SCAI: variants seen among roughly 807,000 people sequenced by gnomAD.
SCAI encodes suppressor of cancer cell invasion, also known as protein SCAI.
Under a neutral mutation model 92.2 loss-of-function variants are expected in SCAI, and 24 were observed. The observed-to-expected ratio is 0.26, with a 90% CI of 0.19 to 0.37. SCAI has a LOEUF of 0.37. Among genes scored for constraint, SCAI ranks in the 10% least tolerant of loss-of-function variants. The pLI, the probability that SCAI is intolerant of heterozygous loss-of-function variation, is 1.00. For missense variants in SCAI, 450 were observed against 736.2 expected (o/e 0.61, Z 4.50); for synonymous variants, 261 against 258.6 (o/e 1.01, Z -0.09).
chr9:124,971,886 C>A, intron 15 of SCAI, 42 bp from the exon 16 acceptor site: 1 of 1,325,096 alleles, frequency 7.5e-7, no homozygotes, highest in Non-Finnish European at 1.0e-6. Context: ...AATAGTTTTG[C>A]AAAAGATAAG....
At chr9:125,107,407 C>CAA (rs80318027) in intron 2 of SCAI, among the ~76,000 whole-genome samples, 56 of 72,816 alleles carry the variant, frequency 7.7e-4, no homozygotes, top group African/African-American at 2.8e-3. Context: ...GACACTGTCT[C>CAA]AAAAAAAAAA....
At chr9:125,070,005 C>T (rs948625448) in intron 2 of SCAI, among the ~76,000 whole-genome samples, 1 of 152,106 alleles carries the variant, frequency 6.6e-6, no homozygotes, top group African/African-American at 2.4e-5. Flanking sequence ...TCACATGTCT[C>T]AGCTGTAAAA....
intron 2 of SCAI, among the ~76,000 whole-genome samples, chr9:125,065,272 G>A (rs775502169): frequency 6.6e-6 from 1 of 152,078 alleles, no homozygotes; most frequent in Non-Finnish European, 1.5e-5. Flanking sequence ...GAGTATCACT[G>A]CTGAAAACAA....
intron 3 of SCAI, among the ~76,000 whole-genome samples, chr9:125,039,397 A>G (rs1326674246): frequency 2.0e-5 from 3 of 151,690 alleles, no homozygotes; most frequent in Non-Finnish European, 2.9e-5. Flanking sequence ...AAAAAAAAAA[A>G]AAAAAAAGAA....
At chr9:125,003,671 AG>A (rs1192850816) in intron 9 of SCAI, 101 bp from the exon 10 acceptor site, 1 of 722,074 alleles carries the variant, frequency 1.4e-6, no homozygotes, top group East Asian at 2.5e-5. Flanking sequence ...CATGTACTTC[AG>A]GGCTTTGGGT....
At chr9:125,046,196 G>GATATACATATATAT (rs1833429899) in intron 3 of SCAI, among the ~76,000 whole-genome samples, 1 of 51,868 alleles carries the variant, frequency 1.9e-5, no homozygotes, top group Non-Finnish European at 3.6e-5. Flanking sequence ...GAAATTGTGA[G>GATATACATATATAT]ATATATATAT....
chr9:125,057,007 C>G (rs992321727), intron 2 of SCAI, among the ~76,000 whole-genome samples: 1 of 152,148 alleles, frequency 6.6e-6, no homozygotes, highest in Non-Finnish European at 1.5e-5. Flanking sequence ...CAGAAAACAA[C>G]AGTAAGTTGT....
chr9:125,135,975 AAAAAAAAAAAC>A (rs1409065269), intron 2 of SCAI, among the ~76,000 whole-genome samples: 2 of 151,574 alleles, frequency 1.3e-5, no homozygotes, highest in African/African-American at 4.8e-5. Flanking sequence ...CTCAAACAAA[AAAAAAAAAAAC>A]AAAAAAAAAA....
rs989910928 is a variant in SCAI at position 125,091,991 on chromosome 9, G to T, written c.99-35984C>A. On this transcript the variant is annotated intron_variant, in intron 2 of 17. Coordinates refer to ENST00000336505, the MANE Select transcript of SCAI (RefSeq NM_001144877.3). This position sits in a 1 kb window ranked among gnomAD's most constrained non-coding sequence, Gnocchi z 4.3. ...ATAAAAATAAAAAAATTAGCCAGGC[G>T]TGGTGGTGGGCGCCTGTAGTCCCAG... 2.6e-5 allele frequency among the ~76,000 whole-genome samples: 4 copies of T among 151,730 alleles called. No individual in the cohort carries two copies. Among genetic ancestry groups the T allele is most frequent in the African/African-American group, 9.7e-5 (4 of 41,332 alleles).
At chr9:125,093,567 CTT>C (rs761646048) in intron 2 of SCAI, among the ~76,000 whole-genome samples, 79 of 137,066 alleles carry the variant, frequency 5.8e-4, no homozygotes, top group Non-Finnish European at 6.2e-4. Context: ...ATGACACCTC[CTT>C]TTTTTTTTTT....
intron 17 of SCAI, among the ~76,000 whole-genome samples, chr9:124,958,264 C>A (rs1488663037): frequency 4.6e-5 from 7 of 152,030 alleles, no homozygotes; most frequent in African/African-American, 1.4e-4. Context: ...CTAAAACAAC[C>A]AAAATACCTA....
intron 13 of SCAI, among the ~76,000 whole-genome samples, chr9:124,998,709 C>T (rs1480775617): frequency 6.6e-6 from 1 of 152,062 alleles, no homozygotes; most frequent in East Asian, 1.9e-4. Flanking sequence ...GCAACCTCGA[C>T]CTAATGGGTT....
chr9:125,028,153 G>A (rs1832998919), intron 5 of SCAI, among the ~76,000 whole-genome samples: 1 of 152,168 alleles, frequency 6.6e-6, no homozygotes, highest in African/African-American at 2.4e-5. Flanking sequence ...AAATTTTTAA[G>A]TTATAAATGA....
At chr9:125,094,983 TATTA>T (rs1412882157) in intron 2 of SCAI, among the ~76,000 whole-genome samples, 3 of 152,172 alleles carry the variant, frequency 2.0e-5, no homozygotes, top group African/African-American at 7.2e-5. Flanking sequence ...ACATAAAATG[TATTA>T]ATTACTTTCA....
At chr9:125,104,497 G>A (rs1490561437) in intron 2 of SCAI, among the ~76,000 whole-genome samples, 1 of 151,342 alleles carries the variant, frequency 6.6e-6, no homozygotes, top group Non-Finnish European at 1.5e-5. Flanking sequence ...AATTCTGTCT[G>A]TCAGATAATC....
chr9:125,113,663 A>AT (rs36106766), intron 2 of SCAI, among the ~76,000 whole-genome samples: 27,087 of 135,230 alleles, frequency 0.2, 3,688 homozygotes, highest in African/African-American at 0.36. Flanking sequence ...AAGTATAAAG[A>AT]TTTTTTTTTT....
Position 124,963,153 on chromosome 9 carries a change from C to G in SCAI, c.1674+8217G>C, listed in dbSNP as rs373155044. ...CTAGAGAAAAGAATTTTTTCCCCCCCGAGACGGAGTTTTGCTTTTGTTACC... is the reference window on the plus strand; with the variant it reads ...CTAGAGAAAAGAATTTTTTCCCCCCGGAGACGGAGTTTTGCTTTTGTTACC... On this transcript the variant is annotated intron_variant, in intron 17 of 17. Transcript: ENST00000336505. Among the ~76,000 whole-genome samples the G allele has an allele frequency of 4.7e-5, 7 of 148,220 alleles. No individual in the cohort carries two copies. In the East Asian group the frequency reaches 1.2e-3, roughly 26 times the overall value.
intron 2 of SCAI, among the ~76,000 whole-genome samples, chr9:125,063,662 C>T (rs1833820587): frequency 6.6e-6 from 1 of 151,322 alleles, no homozygotes; most frequent in African/African-American, 2.4e-5. Flanking sequence ...TCAGGCGACA[C>T]TGACTTTAAG....
intron 3 of SCAI, among the ~76,000 whole-genome samples, chr9:125,041,745 T>G (rs1282128639): frequency 6.6e-6 from 1 of 152,172 alleles, no homozygotes; most frequent in African/African-American, 2.4e-5. Flanking sequence ...TGAACAACAT[T>G]GGCTAACTTC....
Sources: allele counts gnomAD v4.1 joint callset (sites outside exome capture counted in the v4.1 genomes callset), GRCh38; gene constraint gnomAD v4.1.1; non-coding constraint Gnocchi (gnomAD v3.1); transcripts MANE v1.5; gene names NCBI Gene and HGNC (gene_info 2026-07-23, HGNC 2026-07-21).